The following SAMM50 variants were observed in gnomAD, a reference collection of about 807,000 sequenced individuals.
The protein encoded by SAMM50 is sorting and assembly machinery component 50 homolog.
In SAMM50, 47 loss-of-function variants were observed where a neutral mutation model predicts 66.9. That is an observed-to-expected ratio of 0.70 (90% CI 0.56 to 0.90). The LOEUF is 0.90. SAMM50 is among the 40% of genes least tolerant of loss of function. The pLI, the probability that SAMM50 is intolerant of heterozygous loss-of-function variation, is 0.00. For synonymous variants in SAMM50, 191 were observed against 214.1 expected, an observed-to-expected ratio of 0.89 and a Z score of 0.94; for missense variants, 535 against 595.3, an observed-to-expected ratio of 0.90 and a Z score of 1.05.
chr22:43,991,418 C>T (rs117472787), intron 14 of SAMM50, among the ~76,000 whole-genome samples: 7,708 of 151,882 alleles, frequency 0.051, 234 homozygotes, highest in Middle Eastern at 0.092. Flanking sequence ...GCTGGGACTA[C>T]ACACCAGGCT....
chr22:43,996,180 C>A, intron 14 of SAMM50, 158 bp from the exon 15 acceptor site: 2 of 771,800 alleles, frequency 2.6e-6, no homozygotes, highest in African/African-American at 1.7e-5. Flanking sequence ...GAGGAAGCAG[C>A]CGGGGCCGGT....
At chr22:43,991,586 G>C (rs1338507762) in intron 14 of SAMM50, among the ~76,000 whole-genome samples, 1 of 152,186 alleles carries the variant, frequency 6.6e-6, no homozygotes, top group Non-Finnish European at 1.5e-5. Context: ...TAAATTTTAA[G>C]AGATTCAGAC....
chr22:43,981,484 A>G (rs774983139), intron 11 of SAMM50, 23 bp downstream of exon 11: 2 of 1,516,904 alleles, frequency 1.3e-6, no homozygotes, highest in East Asian at 4.5e-5. Context: ...CAATGAATGG[A>G]TAATTTGCAC....
At chr22:43,962,060 T>A (rs9626066) in intron 1 of SAMM50, among the ~76,000 whole-genome samples, 7,004 of 152,208 alleles carry the variant, frequency 0.046, 221 homozygotes, top group Middle Eastern at 0.075. Context: ...TATAACCCAA[T>A]AAACTCATCG....
chr22:43,984,945 T>A (rs981794187), intron 12 of SAMM50, among the ~76,000 whole-genome samples: 1 of 152,062 alleles, frequency 6.6e-6, no homozygotes, highest in African/African-American at 2.4e-5. Flanking sequence ...GTATTATTTT[T>A]AAACCCATTT....
chr22:43,964,776 T>A (rs1410418355), intron 3 of SAMM50, among the ~76,000 whole-genome samples: 3 of 152,182 alleles, frequency 2.0e-5, no homozygotes, highest in Non-Finnish European at 4.4e-5. Context: ...CTGTCTCTTA[T>A]CCTGGAGAAA....
intron 1 of SAMM50, among the ~76,000 whole-genome samples, chr22:43,958,476 CTTTT>C (rs3083316): frequency 5.3e-5 from 6 of 112,560 alleles, no homozygotes; most frequent in Admixed American, 5.1e-4. Flanking sequence ...TTATGGAGCT[CTTTT>C]TTTTTTTTTT....
At chr22:43,971,274 T>A (rs2050202188) in intron 4 of SAMM50, among the ~76,000 whole-genome samples, 1 of 152,180 alleles carries the variant, frequency 6.6e-6, no homozygotes, top group African/African-American at 2.4e-5. Context: ...CCCAGATGCG[T>A]CTAGATGTCC....
intron 7 of SAMM50, among the ~76,000 whole-genome samples, chr22:43,974,295 C>T (rs2235773): frequency 0.18 from 26,995 of 152,096 alleles, 2,811 homozygotes; most frequent in East Asian, 0.34. Flanking sequence ...GCCCTGGAGG[C>T]GACCACCTGG....
intron 3 of SAMM50, 66 bp downstream of exon 3, chr22:43,964,619 G>A (rs2050163809): frequency 1.1e-6 from 1 of 896,780 alleles, no homozygotes; most frequent in Non-Finnish European, 1.8e-6. Flanking sequence ...ATGTCCCCAT[G>A]TGAAACCACA....
At chr22:43,979,541 T>A (rs950816032) in intron 10 of SAMM50, among the ~76,000 whole-genome samples, 2 of 152,310 alleles carry the variant, frequency 1.3e-5, no homozygotes, top group South Asian at 2.1e-4. Flanking sequence ...AATGTCGCGT[T>A]CTGAGTCGTC....
intron 14 of SAMM50, among the ~76,000 whole-genome samples, chr22:43,993,130 G>A (rs1053504576): frequency 2.0e-5 from 3 of 152,326 alleles, no homozygotes; most frequent in South Asian, 2.1e-4. Flanking sequence ...GCGCTGTGAC[G>A]CTGCTGCACC....
intron 3 of SAMM50, 60 bp downstream of exon 3, chr22:43,964,613 C>A: frequency 3.2e-6 from 3 of 933,896 alleles, no homozygotes; most frequent in South Asian, 1.4e-5. Context: ...TCGTAAATGT[C>A]CCCATGTGAA....
At chr22:43,955,717 G>A (rs1041871093) in intron 1 of SAMM50, 119 bp downstream of exon 1, 2 of 1,161,474 alleles carry the variant, frequency 1.7e-6, no homozygotes, top group Admixed American at 4.9e-5. Flanking sequence ...GGTGCCAAGG[G>A]TGCCGGGCTG....
rs2146807185 is a variant in SAMM50 at position 43,963,360 on chromosome 22, G to T, written c.96G>T (p.Glu32Asp). The change falls in exon 2 of 15, where the codon GAG (glutamate) becomes GAT (aspartate). Residue 32 changes from glutamate to aspartate, a missense_variant. Glu to Asp is a conservative substitution (Grantham distance 45). Transcript: ENST00000350028. ...LGEEAEFVEVEPEAKQEILEN... is the reference protein window; with the variant it reads ...LGEEAEFVEVDPEAKQEILEN... ...AAGAAGCTGAATTTGTTGAAGTTGA[G>T]CCTGAAGCTAAACAGGAAATTCTTG... 1 of 1,612,816 alleles carries T rather than the reference G, an allele frequency of 6.2e-7. No individual in the cohort carries two copies. Among genetic ancestry groups the T allele is most frequent in the South Asian group, 1.1e-5 (1 of 90,794 alleles).
chr22:43,965,617 C>A (rs5764430), intron 3 of SAMM50, among the ~76,000 whole-genome samples: 26,953 of 152,152 alleles, frequency 0.18, 2,798 homozygotes, highest in East Asian at 0.34. Flanking sequence ...ATTTTCCCTA[C>A]CCCGGCCAAT....
chr22:43,976,803 T>G lies in SAMM50; in HGVS notation c.831T>G (p.Ala277=). ...RNSSILPRRG[A]LLKVNQELAG... is the part of the protein sequence containing the mutation. Reference sequence around the variant, plus strand: ...CTTCCATCTTACCAAGGAGAGGTGCTTTGCTGAAAGTTAACCAGGTAGTGT... The same window carrying G: ...CTTCCATCTTACCAAGGAGAGGTGCGTTGCTGAAAGTTAACCAGGTAGTGT... The change falls in exon 9 of 15, where the codon GCT becomes GCG. Residue 277 remains alanine, a synonymous_variant. Transcript: ENST00000350028. 6.2e-7 allele frequency: 1 copy of G among 1,612,788 alleles called. No homozygotes were observed. The highest frequency in any genetic ancestry group is 8.5e-7 in the Non-Finnish European group (1 of 1,179,354).
chr22:43,959,507 TAC>T (rs138315774), intron 1 of SAMM50, among the ~76,000 whole-genome samples: 2,052 of 138,514 alleles, frequency 0.015, 42 homozygotes, highest in East Asian at 0.068. Flanking sequence ...TTTTTTATAT[TAC>T]ACACACACAC....
intron 4 of SAMM50, among the ~76,000 whole-genome samples, chr22:43,971,940 C>T (rs2050205803): frequency 1.3e-5 from 2 of 152,096 alleles, no homozygotes. Context: ...TGAAAGTGAT[C>T]CTCCCACCTT....
Sources: allele counts gnomAD v4.1 joint callset (sites outside exome capture counted in the v4.1 genomes callset), GRCh38; gene constraint gnomAD v4.1.1; transcripts MANE v1.5; gene names NCBI Gene and HGNC (gene_info 2026-07-23, HGNC 2026-07-21).